STYXL2: variants seen among roughly 807,000 people sequenced by gnomAD.
STYXL2 encodes the protein serine/threonine/tyrosine-interacting-like protein 2.
STYXL2 carries 44 observed loss-of-function variants against 52.4 expected under a neutral mutation model. That is an observed-to-expected ratio of 0.84 (90% CI 0.66 to 1.08). The LOEUF is 1.08. Ranked by LOEUF, STYXL2 falls within the 50% of genes least tolerant of loss-of-function variation. STYXL2 has a pLI of 0.00. For synonymous variants in STYXL2, 604 were observed against 586.9 expected, an observed-to-expected ratio of 1.03 and a Z score of -0.42; for missense variants, 1,604 against 1,471.7, an observed-to-expected ratio of 1.09 and a Z score of -1.47.
In STYXL2 at chr1:167,126,454, G is replaced by A. The variant is rs140173478; in HGVS notation, c.1323G>A (p.Glu441=). The change falls in exon 6 of 6, where the codon GAG becomes GAA. Residue 441 remains glutamate (E), a synonymous_variant. Coordinates refer to ENST00000361200, the MANE Select transcript of STYXL2 (RefSeq NM_001080426.3). ...RRTLSESSAW[E]SVSSHDIWVL... ...CCCTGAGCGAGAGCAGCGCCTGGGA[G>A]AGCGTGAGCAGCCACGACATCTGGG... is the stretch of plus-strand genomic sequence containing the variant. 1,620 of 1,586,402 alleles carry A rather than the reference G, an allele frequency of 1.0e-3. 27 individuals are homozygous for A. The East Asian group carries it at 0.032, about 31-fold the overall frequency.
rs754831661 is a variant in STYXL2, at chr1:167,126,598, G to A, written c.1467G>A (p.Lys489=). The change falls in exon 6 of 6, where the codon AAG becomes AAA. Residue 489 remains lysine (K), a synonymous_variant. Transcript: ENST00000361200. Reference sequence around the variant, plus strand: ...ACGAGAGGCTGCTGGAGATTGAGAAGGAGGCTTCCCGGAGGTACCACGCCA... The same window carrying A: ...ACGAGAGGCTGCTGGAGATTGAGAAAGAGGCTTCCCGGAGGTACCACGCCA... ...AWNERLLEIE[K]EASRRYHAKS... is the part of the protein sequence containing the mutation. 6 of 1,614,100 alleles carry A rather than the reference G, an allele frequency of 3.7e-6. No individual in the cohort carries two copies. The South Asian group carries it at 6.6e-5, about 18-fold the overall frequency.
In STYXL2 at chr1:167,128,855, AG is replaced by A; in HGVS notation, c.*248del. ...CAACTGATACCATTTTCTGTTGCTC[AG>A]CGCCCTCTAAGCTTTGGTGTTTCAC... On this transcript the variant is annotated 3_prime_UTR_variant, in exon 6 of 6. Coordinates refer to ENST00000361200, the MANE Select transcript of STYXL2 (RefSeq NM_001080426.3). The A allele has an allele frequency of 1.9e-6, 1 of 540,088 alleles. No individual in the cohort carries two copies. The highest frequency in any genetic ancestry group is 3.6e-5 in the Admixed American group (1 of 28,146). The allele number at this position is 540,088 out of a possible 1,614,324, so 33.5% of individuals were successfully genotyped here. A position where few individuals can be genotyped will look rare whatever the true frequency, so the allele number is the denominator to read the frequency against.
At chr1:167,095,010 G>T in intron 2 of STYXL2, 51 bp downstream of exon 2, 1 of 1,419,650 alleles carries the variant, frequency 7.0e-7, no homozygotes, top group South Asian at 1.2e-5. Context: ...GGAGGGGCTG[G>T]GGACAGGTTG....
At chr1:167,094,811 C>G (rs977891709) in intron 1 of STYXL2, 23 bp from the exon 2 acceptor site, 2 of 1,546,040 alleles carry the variant, frequency 1.3e-6, no homozygotes, top group Admixed American at 3.6e-5. Flanking sequence ...TCCCTAACTG[C>G]CTTTTTCTTG....
intron 5 of STYXL2, among the ~76,000 whole-genome samples, chr1:167,122,970 C>G (rs1404812674): frequency 6.6e-6 from 1 of 152,184 alleles, no homozygotes; most frequent in African/African-American, 2.4e-5. Context: ...CCAGCCTGTA[C>G]TTTCCAAATT....
intron 2 of STYXL2, among the ~76,000 whole-genome samples, chr1:167,098,313 CT>C (rs1354546153): frequency 6.6e-6 from 1 of 151,886 alleles, no homozygotes. Context: ...CCGGCCCAAA[CT>C]TTTTTTAAGA....
At chr1:167,096,097 A>T (rs1328456206) in intron 2 of STYXL2, among the ~76,000 whole-genome samples, 1 of 152,076 alleles carries the variant, frequency 6.6e-6, no homozygotes, top group Non-Finnish European at 1.5e-5. Context: ...ATCTCTACTA[A>T]AAATACAAAA....
intron 5 of STYXL2, among the ~76,000 whole-genome samples, chr1:167,124,520 G>A (rs2102246690): frequency 6.6e-6 from 1 of 152,246 alleles, no homozygotes; most frequent in African/African-American, 2.4e-5. Context: ...TTACAATGAA[G>A]GCATAGGAGG....
At chr1:167,123,506 G>T (rs1260765080) in intron 5 of STYXL2, among the ~76,000 whole-genome samples, 2 of 152,218 alleles carry the variant, frequency 1.3e-5, no homozygotes, top group African/African-American at 4.8e-5. Flanking sequence ...GTATATGGTA[G>T]CCTGGTCAGA....
At position 167,126,153 on chromosome 1, in the gene STYXL2, T is replaced by G; in HGVS notation, c.1022T>G (p.Leu341Arg). The change falls in exon 6 of 6, where the codon CTC becomes CGC. Residue 341 changes from leucine to arginine, a missense_variant. Coordinates refer to ENST00000361200, the MANE Select transcript of STYXL2 (RefSeq NM_001080426.3). Reference sequence around the variant, plus strand: ...ACCCAGGCCTCCAAGCCCCTCACCCTCATAGACGAGGAGGAGGAGGAGAAA... The same window carrying G: ...ACCCAGGCCTCCAAGCCCCTCACCCGCATAGACGAGGAGGAGGAGGAGAAA... ...KATQASKPLT[L>R]IDEEEEEKLY... is the part of the protein sequence containing the mutation. 6.6e-7 allele frequency: 1 copy of G among 1,512,052 alleles called. No homozygotes were observed. The highest frequency in any genetic ancestry group is 8.8e-7 in the Non-Finnish European group (1 of 1,132,994). 93.7% of individuals were successfully genotyped at this position (1,512,052 alleles called of 1,614,324 possible). A position where few individuals can be genotyped will look rare whatever the true frequency, so the allele number is the denominator to read the frequency against.
chr1:167,124,390 A>G (rs769184748), intron 5 of STYXL2, among the ~76,000 whole-genome samples: 1 of 152,204 alleles, frequency 6.6e-6, no homozygotes, highest in Non-Finnish European at 1.5e-5. Flanking sequence ...CTCCCATCTC[A>G]TATTGTTAGA....
At chr1:167,094,483 T>G (rs1435529307) in intron 1 of STYXL2, 10 of 278,368 alleles carry the variant, frequency 3.6e-5, no homozygotes, top group Non-Finnish European at 5.6e-5. Context: ...TAATTTCAAC[T>G]GAAAAATCTT....
chr1:167,096,157 C>G (rs1253574562), intron 2 of STYXL2, among the ~76,000 whole-genome samples: 1 of 152,012 alleles, frequency 6.6e-6, no homozygotes, highest in African/African-American at 2.4e-5. Context: ...ACTCAGGAGG[C>G]TGAAGCAGGA....
Position 167,125,978 on chromosome 1 carries a change from GA to G in STYXL2, c.849del (p.Glu284ArgfsTer29), listed in dbSNP as rs761070628. ...ELNEKLMEER[E>X]EDYGREGGSA... ...CAATGAGAAGTTGATGGAGGAGAGA[GA>G]AGAGGACTATGGCCGGGAGGGGGGA... On this transcript the variant is annotated frameshift_variant, in exon 6 of 6. Transcript: ENST00000361200. LOFTEE classifies it low-confidence loss of function (END_TRUNC). 6.2e-7 allele frequency: 1 copy of G among 1,613,394 alleles called. No individual in the cohort carries two copies. The highest frequency in any genetic ancestry group is 1.3e-5 in the African/African-American group (1 of 75,030).
chr1:167,127,923 T>G lies in STYXL2; in HGVS notation c.2792T>G (p.Met931Arg), dbSNP rs990229445. The G allele has an allele frequency of 2.5e-6, 4 of 1,613,864 alleles. No homozygotes were observed. Among genetic ancestry groups the G allele is most frequent in the Non-Finnish European group, 3.4e-6 (4 of 1,179,986 alleles). Residue 931 changes from methionine to arginine, a missense_variant, in exon 6 of 6, where the codon ATG (methionine) becomes AGG (arginine). Physicochemically the swap from Met to Arg is moderately conservative, Grantham distance 91 (BLOSUM62 -1). Coordinates refer to ENST00000361200, the MANE Select transcript of STYXL2 (RefSeq NM_001080426.3). Reference protein sequence around the residue: ...YASGSRVGKEMDSSINKWLSG... With the variant: ...YASGSRVGKERDSSINKWLSG... ...AGTGGCAGCAGAGTTGGCAAAGAGATGGATAGCAGTATTAATAAGTGGCTC... is the reference window on the plus strand; with the variant it reads ...AGTGGCAGCAGAGTTGGCAAAGAGAGGGATAGCAGTATTAATAAGTGGCTC...
chr1:167,113,270 A>G (rs935201942), intron 2 of STYXL2, among the ~76,000 whole-genome samples: 6 of 152,196 alleles, frequency 3.9e-5, no homozygotes, highest in African/African-American at 1.4e-4. Context: ...GGGAACAGAA[A>G]GAGTGGTGGC....
intron 2 of STYXL2, among the ~76,000 whole-genome samples, chr1:167,102,306 T>C (rs75251988): frequency 1.5e-5 from 2 of 131,234 alleles, no homozygotes; most frequent in South Asian, 4.4e-4. Flanking sequence ...TTTTTAAAAA[T>C]ATATATATAT....
chr1:167,103,294 G>A (rs1667439841), intron 2 of STYXL2, among the ~76,000 whole-genome samples: 1 of 152,084 alleles, frequency 6.6e-6, no homozygotes, highest in Admixed American at 6.6e-5. Context: ...GGTTTTGGAA[G>A]ACATACCATT....
intron 5 of STYXL2, among the ~76,000 whole-genome samples, chr1:167,121,721 T>C (rs1278113999): frequency 1.3e-5 from 2 of 152,214 alleles, no homozygotes; most frequent in African/African-American, 4.8e-5. Flanking sequence ...TGGGTCATGC[T>C]GGCCAGGAGC....
Sources: gnomAD v4.1 joint callset for allele counts (sites outside exome capture counted in the v4.1 genomes callset) on GRCh38, gnomAD v4.1.1 for gene constraint, MANE v1.5 for transcripts, NCBI Gene and HGNC (gene_info 2026-07-23, HGNC 2026-07-21) for gene names.